Variants in SPATA17 observed in about 807,000 individuals in gnomAD.
SPATA17 encodes the protein spermatogenesis associated 17.
In SPATA17, 53 loss-of-function variants were observed where a neutral mutation model predicts 62.2. The ratio of observed to expected loss-of-function variants is 0.85; its 90% CI spans 0.68 to 1.07. SPATA17 has a LOEUF of 1.07. SPATA17 is among the 50% of genes least tolerant of loss of function. SPATA17 has a pLI of 0.00. For synonymous variants in SPATA17, 146 were observed against 146.8 expected (o/e 0.99, Z 0.04); for missense variants, 466 against 425.5 (o/e 1.10, Z -0.84).
intron 3 of SPATA17, among the ~76,000 whole-genome samples, chr1:217,668,252 T>C (rs1670747017): frequency 2.6e-5 from 4 of 152,202 alleles, no homozygotes; most frequent in Admixed American, 2.6e-4. Flanking sequence ...TTTATATTTT[T>C]AATTAAAAGA....
chr1:217,784,652 T>A (rs543565812), intron 8 of SPATA17, among the ~76,000 whole-genome samples: 1 of 152,238 alleles, frequency 6.6e-6, no homozygotes, highest in Non-Finnish European at 1.5e-5. Context: ...GTCAGGAACA[T>A]AGTAGGGTCT....
At chr1:217,828,325 G>A (rs950822309) in intron 9 of SPATA17, among the ~76,000 whole-genome samples, 1 of 151,748 alleles carries the variant, frequency 6.6e-6, no homozygotes, top group African/African-American at 2.4e-5. Flanking sequence ...GACACTGTGG[G>A]GAACTGATAG....
chr1:217,827,696 G>A (rs1038735137), intron 9 of SPATA17, among the ~76,000 whole-genome samples: 5 of 152,104 alleles, frequency 3.3e-5, no homozygotes, highest in East Asian at 3.9e-4. Flanking sequence ...GGAATACCAT[G>A]CAGCCATAAA....
rs563363431 is a variant in SPATA17, at chr1:217,809,681, G to C, written c.1005+7831G>C. On this transcript the variant is annotated intron_variant, in intron 9 of 10. Coordinates refer to ENST00000366933, the MANE Select transcript of SPATA17 (RefSeq NM_138796.4). ...TAGAATGGCACCAAGCAATTTACGA[G>C]GTATCTGTTGCCATGACCCAAACAC... 2.6e-5 allele frequency among the ~76,000 whole-genome samples: 4 copies of C among 152,220 alleles called. No individual in the cohort carries two copies. In the South Asian group the frequency reaches 6.2e-4, roughly 24 times the overall value.
At chr1:217,659,820 T>C (rs1184092199) in intron 3 of SPATA17, among the ~76,000 whole-genome samples, 1 of 152,188 alleles carries the variant, frequency 6.6e-6, no homozygotes, top group African/African-American at 2.4e-5. Flanking sequence ...TCACCTTCTA[T>C]TGGTCATCAA....
chr1:217,639,033 A>G (rs1393075416), intron 1 of SPATA17, among the ~76,000 whole-genome samples: 2 of 152,056 alleles, frequency 1.3e-5, no homozygotes, highest in Admixed American at 1.3e-4. Context: ...AAGAGATAGA[A>G]TAATAATAAA....
rs757971448 is a variant in SPATA17, at chr1:217,871,221, T to C, written c.*4202T>C. On this transcript the variant is annotated 3_prime_UTR_variant, in exon 11 of 11. Coordinates refer to ENST00000366933, the MANE Select transcript of SPATA17 (RefSeq NM_138796.4). ...AATTGGTTATTTATGCAATGTATTGTTGTGGTTGTCAACTCAAGATTGTAT... is the reference window on the plus strand; with the variant it reads ...AATTGGTTATTTATGCAATGTATTGCTGTGGTTGTCAACTCAAGATTGTAT... 5.9e-5 allele frequency: 9 copies of C among 152,202 alleles called. No individual in the cohort carries two copies. The highest frequency in any genetic ancestry group is 1.3e-4 in the Non-Finnish European group (9 of 68,022). 9.4% of individuals were successfully genotyped at this position (152,202 alleles called of 1,614,324 possible).
chr1:217,811,968 A>G (rs1674602269), intron 9 of SPATA17, among the ~76,000 whole-genome samples: 1 of 152,164 alleles, frequency 6.6e-6, no homozygotes, highest in Admixed American at 6.5e-5. Context: ...TAGGGAGACT[A>G]GAGACGTCAC....
At chr1:217,848,172 G>A (rs1675569685) in intron 9 of SPATA17, among the ~76,000 whole-genome samples, 1 of 152,126 alleles carries the variant, frequency 6.6e-6, no homozygotes, top group African/African-American at 2.4e-5. Context: ...GTTAAAACAT[G>A]CATAAAGAAA....
intron 9 of SPATA17, among the ~76,000 whole-genome samples, chr1:217,854,705 A>T (rs11117951): frequency 0.26 from 38,844 of 152,002 alleles, 5,654 homozygotes; most frequent in Admixed American, 0.35. Flanking sequence ...GCTGGAAAAA[A>T]AAAGTTTTCC....
At chr1:217,730,308 C>T (rs13375222) in intron 5 of SPATA17, among the ~76,000 whole-genome samples, 7,257 of 151,338 alleles carry the variant, frequency 0.048, 574 homozygotes, top group African/African-American at 0.16. Flanking sequence ...ACCTCTGTCT[C>T]CCGGGTTCCA....
chr1:217,834,531 A>T (rs1311877313), intron 9 of SPATA17, among the ~76,000 whole-genome samples: 1 of 152,094 alleles, frequency 6.6e-6, no homozygotes, highest in Non-Finnish European at 1.5e-5. Context: ...TTTATGTCTT[A>T]TTTTTTAACA....
intron 9 of SPATA17, among the ~76,000 whole-genome samples, chr1:217,823,070 A>T (rs1262016127): frequency 6.6e-6 from 1 of 151,556 alleles, no homozygotes; most frequent in East Asian, 1.9e-4. Flanking sequence ...GTTTTTGTTC[A>T]TTGGAACTTT....
In SPATA17 at chr1:217,738,871, G is replaced by C. The variant is rs529484999; in HGVS notation, c.396-3104G>C. ...GGAGGTTGAGGCAGGAGAATTGCTT[G>C]AACCCAGGAGGCAGAGGTTGCAGTG... On this transcript the variant is annotated intron_variant, in intron 5 of 10. Coordinates refer to ENST00000366933, the MANE Select transcript of SPATA17 (RefSeq NM_138796.4). Among the ~76,000 whole-genome samples the C allele has an allele frequency of 2.3e-4, 35 of 152,334 alleles. No homozygotes were observed. The South Asian group carries it at 7.0e-3, about 31-fold the overall frequency.
intron 6 of SPATA17, among the ~76,000 whole-genome samples, chr1:217,751,702 A>T (rs1434525763): frequency 6.6e-6 from 1 of 152,198 alleles, no homozygotes; most frequent in Admixed American, 6.5e-5. Context: ...GTGTTTTCAA[A>T]TGAATTCCTT....
chr1:217,843,480 A>G (rs1235985803), intron 9 of SPATA17, among the ~76,000 whole-genome samples: 1 of 152,036 alleles, frequency 6.6e-6, no homozygotes, highest in Non-Finnish European at 1.5e-5. Context: ...TTTTTGATAC[A>G]TGGAATATAT....
At chr1:217,648,016 C>T (rs1670228681) in intron 1 of SPATA17, among the ~76,000 whole-genome samples, 1 of 152,026 alleles carries the variant, frequency 6.6e-6, no homozygotes, top group Admixed American at 6.6e-5. Context: ...AGTCACCAAG[C>T]GGGCCTTACT....
intron 4 of SPATA17, 59 bp from the exon 5 acceptor site, chr1:217,683,199 A>G: frequency 8.3e-7 from 1 of 1,211,152 alleles, no homozygotes. Flanking sequence ...TTGAAGTGCT[A>G]TTACATTTTT....
intron 5 of SPATA17, among the ~76,000 whole-genome samples, chr1:217,701,084 T>C (rs1410322092): frequency 2.0e-5 from 3 of 151,224 alleles, no homozygotes; most frequent in Non-Finnish European, 1.5e-5. Flanking sequence ...AAGTGATTCT[T>C]GTGTCTTAGC....
Sources: gnomAD v4.1 joint callset for allele counts (sites outside exome capture counted in the v4.1 genomes callset) on GRCh38, gnomAD v4.1.1 for gene constraint, MANE v1.5 for transcripts, NCBI Gene and HGNC (gene_info 2026-07-23, HGNC 2026-07-21) for gene names.